The following AGAP1 variants were observed in gnomAD, a reference collection of about 807,000 sequenced individuals.
The protein encoded by AGAP1 is ArfGAP with GTPase domain, ankyrin repeat and PH domain 1.
In AGAP1, 29 loss-of-function variants were observed where a neutral mutation model predicts 105.3. The observed-to-expected ratio is 0.28, with a 90% CI of 0.21 to 0.38. The LOEUF is 0.38. Among genes scored for constraint, AGAP1 ranks in the 10% least tolerant of loss-of-function variants. The probability of loss-of-function intolerance (pLI) is 1.00; values close to 1 mark genes in which losing one functional copy is unlikely to be tolerated. For synonymous variants in AGAP1, 509 were observed against 485.9 expected, an observed-to-expected ratio of 1.05 and a Z score of -0.63; for missense variants, 998 against 1,165.1, an observed-to-expected ratio of 0.86 and a Z score of 2.09.
In AGAP1 at chr2:235,665,024, C is replaced by T. The variant is rs915530667; in HGVS notation, c.164-44155C>T. 6.6e-6 allele frequency among the ~76,000 whole-genome samples: 1 copy of T among 152,102 alleles called. No individual in the cohort carries two copies. The highest frequency in any genetic ancestry group is 1.5e-5 in the Non-Finnish European group (1 of 68,026). Reference sequence around the variant, plus strand: ...TCATCTGAGGTGAGGCGTTCGAGACCAGCCTGGGCAACATGGCAAGACCCT... The same window carrying T: ...TCATCTGAGGTGAGGCGTTCGAGACTAGCCTGGGCAACATGGCAAGACCCT... On this transcript the variant is annotated intron_variant, in intron 1 of 17. Transcript: ENST00000304032. This position sits in a 1 kb window ranked among gnomAD's most constrained non-coding sequence, Gnocchi z 5.3.
In AGAP1 at chr2:235,591,001, G is replaced by A. The variant is rs569849971; in HGVS notation, c.163+96152G>A. 7.9e-5 allele frequency among the ~76,000 whole-genome samples: 12 copies of A among 151,276 alleles called. No homozygotes were observed. The East Asian group carries it at 2.4e-3, about 30-fold the overall frequency. On this transcript the variant is annotated intron_variant, in intron 1 of 17. Coordinates refer to ENST00000304032, the MANE Select transcript of AGAP1 (RefSeq NM_001037131.3). Reference sequence around the variant, plus strand: ...CTCCCAAAGTGCTGGGATTACAGGCGTGAGCCACCGCCCGGCCTATATTTT... The same window carrying A: ...CTCCCAAAGTGCTGGGATTACAGGCATGAGCCACCGCCCGGCCTATATTTT...
rs1951771490 is a variant in AGAP1 at position 235,728,504 on chromosome 2, T to C, written c.310+10860T>C. Among the ~76,000 whole-genome samples, 1 of 152,160 alleles carries C rather than the reference T, an allele frequency of 6.6e-6. No individual in the cohort carries two copies. ...AGTCCTTTATCCATGCTTGTTGGCT[T>C]CTGGAACGCACAGTGTTCAGGAGGA... On this transcript the variant is annotated intron_variant, in intron 3 of 17. Transcript: ENST00000304032. This position sits in a 1 kb window ranked among gnomAD's most constrained non-coding sequence, Gnocchi z 4.3.
In AGAP1 at chr2:235,882,263, C is replaced by T. The variant is rs896303157; in HGVS notation, c.1051-1082C>T. On this transcript the variant is annotated intron_variant, in intron 9 of 17. Coordinates refer to ENST00000304032, the MANE Select transcript of AGAP1 (RefSeq NM_001037131.3). This position sits in a 1 kb window ranked among gnomAD's most constrained non-coding sequence, Gnocchi z 4.6. ...CATCGGTGCAGAGTGCCCAGGTTCA[C>T]AATGCAGCTTGTGGCTCGTGTCCAT... 1.5e-5 allele frequency: 8 copies of T among 541,238 alleles called. No homozygotes were observed. Among genetic ancestry groups the T allele is most frequent in the Non-Finnish European group, 2.4e-5 (7 of 295,826 alleles). 33.5% of individuals were successfully genotyped at this position (541,238 alleles called of 1,614,324 possible).
Position 235,751,112 on chromosome 2 carries a change from C to G in AGAP1, c.673+624C>G, listed in dbSNP as rs888202543. Among the ~76,000 whole-genome samples, 1 of 152,072 alleles carries G rather than the reference C, an allele frequency of 6.6e-6. No homozygotes were observed. The highest frequency in any genetic ancestry group is 6.5e-5 in the Admixed American group (1 of 15,272). On this transcript the variant is annotated intron_variant, in intron 6 of 17. Transcript: ENST00000304032. The surrounding 1 kb of genome is among the most constrained non-coding windows in gnomAD (Gnocchi z 5.3). Reference sequence around the variant, plus strand: ...AGAGCATGAGGTTCTGCAAGAGGGTCACATACTTGTGGATGATCATAGCGC... The same window carrying G: ...AGAGCATGAGGTTCTGCAAGAGGGTGACATACTTGTGGATGATCATAGCGC...
chr2:236,013,511 A>G (rs1331648403), intron 13 of AGAP1, among the ~76,000 whole-genome samples: 20 of 152,172 alleles, frequency 1.3e-4, no homozygotes, highest in Admixed American at 1.3e-3. Flanking sequence ...TGGCCAGCTC[A>G]TGCTTTGGGA....
At chr2:235,937,386 A>G (rs1286660868) in intron 12 of AGAP1, among the ~76,000 whole-genome samples, 4 of 152,212 alleles carry the variant, frequency 2.6e-5, no homozygotes, top group Non-Finnish European at 4.4e-5. Context: ...TTTTCCTCCC[A>G]ATCAGAATGT....
rs147282777 is a variant in AGAP1, at chr2:236,076,801, G to A, written c.2114+27520G>A. ...CAGGGCTACATTTTGGGAAGTGACT[G>A]TATCCTACAGAGTAGAAAAATAGTC... On this transcript the variant is annotated intron_variant, in intron 16 of 17. Coordinates refer to ENST00000304032, the MANE Select transcript of AGAP1 (RefSeq NM_001037131.3). The surrounding 1 kb of genome is among the most constrained non-coding windows in gnomAD (Gnocchi z 4.4). Among the ~76,000 whole-genome samples, 287 of 152,112 alleles carry A rather than the reference G, an allele frequency of 1.9e-3. No individual in the cohort carries two copies. The highest frequency in any genetic ancestry group is 6.6e-3 in the African/African-American group (276 of 41,510).
chr2:235,783,097 C>G (rs1457418350), intron 6 of AGAP1, among the ~76,000 whole-genome samples: 1 of 151,150 alleles, frequency 6.6e-6, no homozygotes, highest in East Asian at 1.9e-4. Flanking sequence ...CACTTGTTTT[C>G]AAAGTGTTCA....
Position 236,027,836 on chromosome 2 carries a change from G to A in AGAP1, c.1646-8725G>A, listed in dbSNP as rs1356070771. Reference sequence around the variant, plus strand: ...AGCGTGGCGTTTAGACCTGCCCTGTGATCACAGGGCCTTTGTGCATGCTAC... The same window carrying A: ...AGCGTGGCGTTTAGACCTGCCCTGTAATCACAGGGCCTTTGTGCATGCTAC... On this transcript the variant is annotated intron_variant, in intron 13 of 17. Coordinates refer to ENST00000304032, the MANE Select transcript of AGAP1 (RefSeq NM_001037131.3). The surrounding 1 kb of genome is among the most constrained non-coding windows in gnomAD (Gnocchi z 4.4). 6.6e-6 allele frequency among the ~76,000 whole-genome samples: 1 copy of A among 152,120 alleles called. No individual in the cohort carries two copies. Among genetic ancestry groups the A allele is most frequent in the Non-Finnish European group, 1.5e-5 (1 of 68,010 alleles).
At chr2:235,925,936 C>T (rs77858165) in intron 11 of AGAP1, among the ~76,000 whole-genome samples, 3,047 of 152,296 alleles carry the variant, frequency 0.02, 67 homozygotes, top group South Asian at 0.095. Context: ...AACTCATTAA[C>T]GTGAAATGAA....
intron 1 of AGAP1, among the ~76,000 whole-genome samples, chr2:235,627,020 G>C (rs771386548): frequency 6.6e-6 from 1 of 152,080 alleles, no homozygotes; most frequent in Non-Finnish European, 1.5e-5. Flanking sequence ...TTCACATAAC[G>C]TAAGTTTGAA....
intron 15 of AGAP1, among the ~76,000 whole-genome samples, chr2:236,047,301 G>T (rs995248039): frequency 2.6e-5 from 4 of 152,046 alleles, no homozygotes; most frequent in African/African-American, 9.7e-5. Context: ...AGAAGCAGAG[G>T]GAGCCAGTGG....
intron 11 of AGAP1, among the ~76,000 whole-genome samples, chr2:235,911,295 C>G (rs558499883): frequency 4.1e-4 from 63 of 152,232 alleles, no homozygotes; most frequent in Admixed American, 7.8e-4. Context: ...GGAGGCCACA[C>G]GGAGCCACAG....
rs1411391723 is a variant in AGAP1 at position 235,872,724 on chromosome 2, C to T, written c.1051-10621C>T. On this transcript the variant is annotated intron_variant, in intron 9 of 17. Coordinates refer to ENST00000304032, the MANE Select transcript of AGAP1 (RefSeq NM_001037131.3). The surrounding 1 kb of genome is among the most constrained non-coding windows in gnomAD (Gnocchi z 4.5). Reference sequence around the variant, plus strand: ...GCGCTCAGCCCAGACCAGTGGGGGCCACCTTAGTACCACTTCCTCCCTAAG... The same window carrying T: ...GCGCTCAGCCCAGACCAGTGGGGGCTACCTTAGTACCACTTCCTCCCTAAG... 6.6e-6 allele frequency among the ~76,000 whole-genome samples: 1 copy of T among 152,190 alleles called. No homozygotes were observed. The highest frequency in any genetic ancestry group is 1.5e-5 in the Non-Finnish European group (1 of 68,026).
At position 235,865,240 on chromosome 2, in the gene AGAP1, C is replaced by A. The variant is rs1042565462; in HGVS notation, c.1051-18105C>A. The stretch of plus-strand genomic sequence containing the variant: ...GATTTGTGGGTGATTAGCTCCTGGC[C>A]GAATCCAGTCCCGGCCGGCGCTTTG... On this transcript the variant is annotated intron_variant, in intron 9 of 17. Coordinates refer to ENST00000304032, the MANE Select transcript of AGAP1 (RefSeq NM_001037131.3). This position sits in a 1 kb window ranked among gnomAD's most constrained non-coding sequence, Gnocchi z 6.2. 6.6e-6 allele frequency among the ~76,000 whole-genome samples: 1 copy of A among 152,086 alleles called. No homozygotes were observed. The highest frequency in any genetic ancestry group is 2.4e-5 in the African/African-American group (1 of 41,408).
chr2:235,862,172 C>T lies in AGAP1; in HGVS notation c.1051-21173C>T, dbSNP rs79643084. On this transcript the variant is annotated intron_variant, in intron 9 of 17. Transcript: ENST00000304032. ...CCATGGCTCCATTCATCCATGGCTC[C>T]GTGCACGTGCAGCCCGGGACCATGA... Among the ~76,000 whole-genome samples, 248 of 152,274 alleles carry T rather than the reference C, an allele frequency of 1.6e-3. 3 individuals carry two copies. The East Asian group carries it at 0.034, about 21-fold the overall frequency.
At chr2:235,703,548 TCCCCTCCCC>T (rs1170493418) in intron 1 of AGAP1, among the ~76,000 whole-genome samples, 1 of 138,272 alleles carries the variant, frequency 7.2e-6, no homozygotes, top group Non-Finnish European at 1.6e-5. Context: ...TCCCCTCTTC[TCCCCTCCCC>T]CTCCTTCCCC....
chr2:235,928,347 A>C (rs116008912), intron 11 of AGAP1, among the ~76,000 whole-genome samples: 5 of 152,168 alleles, frequency 3.3e-5, no homozygotes, highest in Non-Finnish European at 7.3e-5. Context: ...AGAGAAGCAC[A>C]CAGGACAGTG....
At chr2:235,974,451 G>T in intron 13 of AGAP1, among the ~76,000 whole-genome samples, 1 of 152,256 alleles carries the variant, frequency 6.6e-6, no homozygotes, top group East Asian at 1.9e-4. Flanking sequence ...AAGAGGGTAT[G>T]CAGAAATCCT....
Sources: allele counts gnomAD v4.1 joint callset (sites outside exome capture counted in the v4.1 genomes callset), GRCh38; gene constraint gnomAD v4.1.1; non-coding constraint Gnocchi (gnomAD v3.1); transcripts MANE v1.5; gene names NCBI Gene and HGNC (gene_info 2026-07-23, HGNC 2026-07-21).